Variants in MDFIC observed in about 807,000 individuals in gnomAD.
The protein encoded by MDFIC is MyoD family inhibitor domain containing.
In MDFIC, 17 loss-of-function variants were observed where a neutral mutation model predicts 23.2. That is an observed-to-expected ratio of 0.73 (90% confidence interval 0.50 to 1.10). The LOEUF is 1.10. Ranked by LOEUF, MDFIC falls within the 50% of genes least tolerant of loss-of-function variation. The pLI is 0.00. For synonymous variants in MDFIC, 120 were observed against 115.2 expected, an observed-to-expected ratio of 1.04 and a Z score of -0.27; for missense variants, 356 against 316.6, an observed-to-expected ratio of 1.12 and a Z score of -0.95.
chr7:114,966,182 G>A (rs181545472), intron 3 of MDFIC, among the ~76,000 whole-genome samples: 23 of 152,194 alleles, frequency 1.5e-4, no homozygotes, highest in African/African-American at 5.3e-4. Context: ...TTTAGTTTTG[G>A]TAGGGTATAT....
intron 3 of MDFIC, among the ~76,000 whole-genome samples, chr7:114,956,126 T>C (rs1792877960): frequency 1.3e-5 from 2 of 152,102 alleles, no homozygotes; most frequent in African/African-American, 4.8e-5. Flanking sequence ...AGACAGTTGT[T>C]CCAAGTTATA....
At chr7:115,014,646 C>A in intron 4 of MDFIC, 1 of 707,902 alleles carries the variant, frequency 1.4e-6, no homozygotes, top group Non-Finnish European at 1.9e-6. Flanking sequence ...CCACACAAAA[C>A]AACCCAGAAT....
At chr7:115,006,087 C>T (rs907919794) in intron 4 of MDFIC, among the ~76,000 whole-genome samples, 12 of 152,096 alleles carry the variant, frequency 7.9e-5, no homozygotes, top group East Asian at 3.9e-4. Flanking sequence ...TCTTCTCAGG[C>T]GAGGCTCCTC....
chr7:115,017,025 T>C lies in MDFIC; in HGVS notation c.*1090T>C, dbSNP rs1423362843. ...GTAAGGTTTCAGGGAGAATGTGGCA[T>C]TTGAGGACTCTCTTAGAATGAGTGA... is the stretch of plus-strand genomic sequence containing the variant. On this transcript the variant is annotated 3_prime_UTR_variant, in exon 5 of 5. Coordinates refer to ENST00000393486, the MANE Select transcript of MDFIC (RefSeq NM_001166345.3). 6.6e-6 allele frequency: 1 copy of C among 152,214 alleles called. No individual in the cohort carries two copies. Among genetic ancestry groups the C allele is most frequent in the Non-Finnish European group, 1.5e-5 (1 of 68,048 alleles). The allele number at this position is 152,214 out of a possible 1,614,324, so 9.4% of individuals were successfully genotyped here.
intron 2 of MDFIC, among the ~76,000 whole-genome samples, chr7:114,932,682 T>C (rs1792337027): frequency 6.6e-6 from 1 of 152,126 alleles, no homozygotes; most frequent in Non-Finnish European, 1.5e-5. Flanking sequence ...CAAAAGAATA[T>C]AGGTTGTGGT....
intron 3 of MDFIC, among the ~76,000 whole-genome samples, chr7:114,960,464 C>A (rs1234237364): frequency 1.3e-5 from 2 of 151,994 alleles, no homozygotes; most frequent in East Asian, 1.9e-4. Context: ...TGTACCATGG[C>A]CTTTTTTTAA....
rs528038230 is a variant in MDFIC, at chr7:115,002,306, T to C, written c.494-13382T>C. 2.6e-4 allele frequency among the ~76,000 whole-genome samples: 40 copies of C among 152,274 alleles called. No individual in the cohort carries two copies. In the South Asian group the frequency reaches 5.8e-3, roughly 22 times the overall value. Reference sequence around the variant, plus strand: ...TCTGTCTTTTCAACTCCCCTGTCTATACTAGGGAGCTAAACACTCCTGAAG... The same window carrying C: ...TCTGTCTTTTCAACTCCCCTGTCTACACTAGGGAGCTAAACACTCCTGAAG... On this transcript the variant is annotated intron_variant, in intron 4 of 4. Transcript: ENST00000393486.
chr7:114,986,213 T>G (rs916694009), intron 4 of MDFIC, among the ~76,000 whole-genome samples: 1 of 152,108 alleles, frequency 6.6e-6, no homozygotes, highest in Admixed American at 6.6e-5. Context: ...TTAAAACTAT[T>G]TTTTGGTTTC....
At chr7:114,990,800 A>G (rs936223707) in intron 4 of MDFIC, among the ~76,000 whole-genome samples, 3 of 152,210 alleles carry the variant, frequency 2.0e-5, no homozygotes, top group African/African-American at 7.2e-5. Context: ...ATAGTGCCCC[A>G]ATAAACATAC....
intron 3 of MDFIC, among the ~76,000 whole-genome samples, chr7:114,946,423 T>C (rs1792646606): frequency 6.6e-6 from 1 of 152,218 alleles, no homozygotes; most frequent in South Asian, 2.1e-4. Context: ...AAATTCTTAT[T>C]ACTTAACTTT....
At chr7:114,972,785 A>AT (rs1162934424) in intron 3 of MDFIC, among the ~76,000 whole-genome samples, 1 of 151,694 alleles carries the variant, frequency 6.6e-6, no homozygotes, top group African/African-American at 2.4e-5. Flanking sequence ...CACCTGGTTA[A>AT]TTTTTTATTT....
At position 114,979,739 on chromosome 7, in the gene MDFIC, G is replaced by C. The variant is rs1275544110; in HGVS notation, c.451G>C (p.Val151Leu). 5.0e-6 allele frequency: 8 copies of C among 1,614,088 alleles called. No individual in the cohort carries two copies. The highest frequency in any genetic ancestry group is 6.8e-6 in the Non-Finnish European group (8 of 1,179,948). The change falls in exon 4 of 5, where the codon GTA becomes CTA. Residue 151 changes from valine to leucine, a missense_variant. Coordinates refer to ENST00000393486, the MANE Select transcript of MDFIC (RefSeq NM_001166345.3). ...CAGCGATATCAGTAAGAAGAGCAAA[G>C]TAAATGCTGTCTTTTCCCAAAAGAC... The part of the protein sequence containing the change: ...VNSDISKKSK[V>L]NAVFSQKTGS...
chr7:114,996,154 A>G (rs1396218008), intron 4 of MDFIC, among the ~76,000 whole-genome samples: 1 of 152,166 alleles, frequency 6.6e-6, no homozygotes, highest in Non-Finnish European at 1.5e-5. Context: ...TTTAAACATC[A>G]CTTTGCCTTT....
chr7:114,995,150 G>A (rs973614635), intron 4 of MDFIC, among the ~76,000 whole-genome samples: 5 of 152,190 alleles, frequency 3.3e-5, no homozygotes, highest in African/African-American at 4.8e-5. Flanking sequence ...GGCTACTGAA[G>A]CTTGTGCATT....
chr7:115,015,730 T>C lies in MDFIC; in HGVS notation c.536T>C (p.Phe179Ser). Residue 179 changes from phenylalanine to serine, a missense_variant, in exon 5 of 5, where the codon TTC (phenylalanine) becomes TCC (serine). Coordinates refer to ENST00000393486, the MANE Select transcript of MDFIC (RefSeq NM_001166345.3). Reference sequence around the variant, plus strand: ...ATCCTGGCTTGCTTGTTCTGCGAATTCCTGACCCTTTGCAACATTGTCCTG... The same window carrying C: ...ATCCTGGCTTGCTTGTTCTGCGAATCCCTGACCCTTTGCAACATTGTCCTG... Reference protein sequence around the residue: ...HCILACLFCEFLTLCNIVLGQ... With the variant: ...HCILACLFCESLTLCNIVLGQ... 1 of 1,614,236 alleles carries C rather than the reference T, an allele frequency of 6.2e-7. No homozygotes were observed.
intron 3 of MDFIC, among the ~76,000 whole-genome samples, chr7:114,950,615 G>C (rs903865940): frequency 6.6e-6 from 1 of 152,154 alleles, no homozygotes; most frequent in Non-Finnish European, 1.5e-5. Flanking sequence ...ATGAGAATGA[G>C]AAATATGAAT....
chr7:114,973,921 C>T (rs1283997051), intron 3 of MDFIC, among the ~76,000 whole-genome samples: 1 of 151,876 alleles, frequency 6.6e-6, no homozygotes, highest in Non-Finnish European at 1.5e-5. Context: ...TAAATATATA[C>T]ATCAAATAAA....
At chr7:115,014,256 C>T (rs2116149028) in intron 4 of MDFIC, 1 of 985,384 alleles carries the variant, frequency 1.0e-6, no homozygotes, top group South Asian at 4.7e-5. Context: ...GATAGGCCTG[C>T]AGAGTTAAGA....
intron 4 of MDFIC, among the ~76,000 whole-genome samples, chr7:114,991,703 G>C (rs372508809): frequency 6.6e-6 from 1 of 152,112 alleles, no homozygotes; most frequent in East Asian, 1.9e-4. Flanking sequence ...TGTTCCATTG[G>C]TCTATATCTC....
Sources: gnomAD v4.1 joint callset for allele counts (sites outside exome capture counted in the v4.1 genomes callset) on GRCh38, gnomAD v4.1.1 for gene constraint, MANE v1.5 for transcripts, NCBI Gene and HGNC (gene_info 2026-07-23, HGNC 2026-07-21) for gene names.